The following FCHO2 variants were observed in gnomAD, a reference collection of about 807,000 sequenced individuals.
FCHO2 encodes FCH and mu domain containing endocytic adaptor 2.
In FCHO2, 43 loss-of-function variants were observed where a neutral mutation model predicts 114.1. That is an observed-to-expected ratio of 0.38 (90% CI 0.30 to 0.49). The LOEUF is 0.49. FCHO2 is among the 20% of genes least tolerant of loss of function. The pLI, the probability that FCHO2 is intolerant of heterozygous loss-of-function variation, is 0.97. For synonymous variants in FCHO2, 293 were observed against 315.2 expected (o/e 0.93, Z 0.75); for missense variants, 807 against 950.4 (o/e 0.85, Z 1.98).
rs1484432184 is a variant in FCHO2 at position 73,054,152 on chromosome 5, A to G, written c.1174-8A>G. The G allele has an allele frequency of 1.3e-6, 2 of 1,507,208 alleles. No homozygotes were observed. The highest frequency in any genetic ancestry group is 1.8e-6 in the Non-Finnish European group (2 of 1,124,188). 93.4% of individuals were successfully genotyped at this position (1,507,208 alleles called of 1,614,324 possible). A position where few individuals can be genotyped will look rare whatever the true frequency, so the allele number is the denominator to read the frequency against. On this transcript the variant is annotated splice_polypyrimidine_tract_variant and splice_region_variant and intron_variant, in intron 13 of 25. Transcript: ENST00000430046. ...ACCTAATTTTCTTTTTCTTCCATGT[A>G]CTACTAGAGACACAGTCCAGTAAGT...
chr5:72,982,017 T>C (rs1753238704), intron 2 of FCHO2, among the ~76,000 whole-genome samples: 1 of 152,124 alleles, frequency 6.6e-6, no homozygotes, highest in Admixed American at 6.5e-5. Context: ...TCCTTTGTGC[T>C]TGAAACCCAG....
intron 2 of FCHO2, among the ~76,000 whole-genome samples, chr5:72,976,727 C>T (rs1200274578): frequency 1.3e-5 from 2 of 152,002 alleles, no homozygotes; most frequent in Non-Finnish European, 2.9e-5. Flanking sequence ...CACCCATGAA[C>T]CTGTCATCCA....
At chr5:73,058,700 TAAAC>T (rs1447758836) in intron 17 of FCHO2, among the ~76,000 whole-genome samples, 176 bp downstream of exon 17, 21 of 152,270 alleles carry the variant, frequency 1.4e-4, no homozygotes, top group African/African-American at 4.6e-4. Context: ...CTCTATGACT[TAAAC>T]AATAAAAATT....
Position 73,088,238 on chromosome 5 carries a change from A to AAAT in FCHO2, c.*150_*151insTAA. 3 of 954,112 alleles carry AAAT rather than the reference A, an allele frequency of 3.1e-6. No individual in the cohort carries two copies. Among genetic ancestry groups the AAAT allele is most frequent in the Non-Finnish European group, 4.8e-6 (3 of 624,030 alleles). The allele number at this position is 954,112 out of a possible 1,614,324, so 59.1% of individuals were successfully genotyped here. ...ACTACAAACATTAAATCGCACTTTT[A>AAAT]AAGTGAGTCATTGAAATAAATAGTA... On this transcript the variant is annotated 3_prime_UTR_variant, in exon 26 of 26. Transcript: ENST00000430046.
At chr5:73,008,670 A>G (rs1258583632) in intron 6 of FCHO2, among the ~76,000 whole-genome samples, 3 of 152,170 alleles carry the variant, frequency 2.0e-5, no homozygotes, top group Admixed American at 1.3e-4. Flanking sequence ...CCGAATCCGA[A>G]GAGCTCTGAA....
chr5:72,966,741 T>G (rs16902300), intron 1 of FCHO2, among the ~76,000 whole-genome samples: 1,968 of 152,330 alleles, frequency 0.013, 50 homozygotes, highest in African/African-American at 0.045. Flanking sequence ...TCAAGTTTTG[T>G]ATTATGTAAC....
chr5:73,054,342 TA>T (rs1757483190), intron 14 of FCHO2, among the ~76,000 whole-genome samples, 171 bp downstream of exon 14: 1 of 152,196 alleles, frequency 6.6e-6, no homozygotes, highest in African/African-American at 2.4e-5. Flanking sequence ...CTACATGTAT[TA>T]TTTTTTGCTG....
intron 22 of FCHO2, among the ~76,000 whole-genome samples, chr5:73,079,027 C>T (rs954027269): frequency 4.6e-5 from 7 of 152,122 alleles, no homozygotes; most frequent in African/African-American, 7.2e-5. Context: ...AGTAGAGTTA[C>T]GTCTTTGTGT....
chr5:72,968,508 A>G lies in FCHO2; in HGVS notation c.44A>G (p.Asn15Ser), dbSNP rs970909270. 1 of 1,508,156 alleles carries G rather than the reference A, an allele frequency of 6.6e-7. No homozygotes were observed. The highest frequency in any genetic ancestry group is 2.5e-5 in the East Asian group (1 of 39,932). The allele number at this position is 1,508,156 out of a possible 1,614,324, so 93.4% of individuals were successfully genotyped here. ...YFVENFWGEK[N>S]SGFDVLYHNM... is the part of the protein sequence containing the mutation. ...CTTTTTAAATTTTAGGGGGAAAAAAATAGTGGCTTTGATGTCCTCTACCAT... is the reference window on the plus strand; with the variant it reads ...CTTTTTAAATTTTAGGGGGAAAAAAGTAGTGGCTTTGATGTCCTCTACCAT... The change falls in exon 2 of 26, where the codon AAT becomes AGT. Residue 15 changes from asparagine (N) to serine (S), a missense_variant. Physicochemically the swap from Asn to Ser is conservative, Grantham distance 46 (BLOSUM62 1). Coordinates refer to ENST00000430046, the MANE Select transcript of FCHO2 (RefSeq NM_138782.3).
intron 1 of FCHO2, among the ~76,000 whole-genome samples, chr5:72,959,785 T>C (rs1475030893): frequency 6.6e-6 from 1 of 151,864 alleles, no homozygotes. Flanking sequence ...CTTTCTTTTT[T>C]TTTTTTTTTT....
chr5:73,078,048 CT>C (rs1175862960), intron 21 of FCHO2, 131 bp from the exon 22 acceptor site: 17 of 576,870 alleles, frequency 2.9e-5, no homozygotes, highest in Non-Finnish European at 4.3e-5. Context: ...TCTTCATCCC[CT>C]GATCTAATTT....
intron 6 of FCHO2, among the ~76,000 whole-genome samples, chr5:73,008,978 A>G (rs1473706384): frequency 2.0e-5 from 3 of 152,228 alleles, no homozygotes; most frequent in Admixed American, 2.0e-4. Context: ...TTTTGTCAGT[A>G]CACAAAGCCA....
intron 6 of FCHO2, among the ~76,000 whole-genome samples, chr5:73,009,653 C>T (rs568388336): frequency 9.2e-5 from 14 of 152,320 alleles, no homozygotes; most frequent in African/African-American, 3.1e-4. Flanking sequence ...CTTCCCACCT[C>T]AGCCTCCTGA....
At chr5:72,984,987 A>G (rs772805625) in intron 2 of FCHO2, among the ~76,000 whole-genome samples, 3 of 152,090 alleles carry the variant, frequency 2.0e-5, no homozygotes, top group East Asian at 3.9e-4. Context: ...CTCTTAATCT[A>G]TAGCCACCCA....
intron 11 of FCHO2, chr5:73,051,020 A>T: frequency 3.9e-6 from 1 of 254,488 alleles, no homozygotes; most frequent in Non-Finnish European, 7.4e-6. Flanking sequence ...AAACTAACTT[A>T]TTCTTCCTCA....
At chr5:73,086,847 T>C (rs905045573) in intron 24 of FCHO2, among the ~76,000 whole-genome samples, 5 of 152,324 alleles carry the variant, frequency 3.3e-5, no homozygotes, top group Admixed American at 1.3e-4. Flanking sequence ...TAATCTGATA[T>C]AGATGCTATT....
chr5:73,023,195 A>C (rs190625975), intron 8 of FCHO2, among the ~76,000 whole-genome samples: 323 of 152,346 alleles, frequency 2.1e-3, no homozygotes, highest in Admixed American at 3.4e-3. Flanking sequence ...AAAGATACCA[A>C]ACCCCAAAAT....
intron 8 of FCHO2, among the ~76,000 whole-genome samples, chr5:73,026,844 A>G (rs1200565522): frequency 1.3e-5 from 2 of 151,850 alleles, no homozygotes; most frequent in Non-Finnish European, 2.9e-5. Context: ...GGCGTGCATC[A>G]CCATACCTGG....
At chr5:72,959,284 A>G in intron 1 of FCHO2, among the ~76,000 whole-genome samples, 1 of 152,152 alleles carries the variant, frequency 6.6e-6, no homozygotes, top group East Asian at 1.9e-4. Context: ...AGGCAGGGGA[A>G]TGGATTGAGC....
Sources: gnomAD v4.1 joint callset for allele counts (sites outside exome capture counted in the v4.1 genomes callset) on GRCh38, gnomAD v4.1.1 for gene constraint, MANE v1.5 for transcripts, NCBI Gene and HGNC (gene_info 2026-07-23, HGNC 2026-07-21) for gene names.